The following SIPA1L3 variants were observed in gnomAD, a reference collection of about 807,000 sequenced individuals.
SIPA1L3 encodes the protein signal-induced proliferation-associated 1-like protein 3.
Under a neutral mutation model 150.1 loss-of-function variants are expected in SIPA1L3, and 59 were observed. The observed-to-expected ratio is 0.39, with a 90% confidence interval of 0.32 to 0.49. The LOEUF (loss-of-function observed/expected upper bound fraction) is 0.49. SIPA1L3 is among the 20% of genes least tolerant of loss of function. SIPA1L3 has a pLI of 0.86. For synonymous variants in SIPA1L3, 1,070 were observed against 1,077.6 expected (o/e 0.99, Z 0.14); for missense variants, 2,211 against 2,489.5 (o/e 0.89, Z 2.38).
chr19:37,987,521 GC>G (rs571825808), intron 1 of SIPA1L3, among the ~76,000 whole-genome samples: 32 of 152,288 alleles, frequency 2.1e-4, no homozygotes, highest in Non-Finnish European at 4.1e-4. Context: ...AGCATCCCTG[GC>G]CTCTACCCAC....
At chr19:37,913,843 C>A (rs902713084) in intron 1 of SIPA1L3, among the ~76,000 whole-genome samples, 1 of 151,204 alleles carries the variant, frequency 6.6e-6, no homozygotes, top group African/African-American at 2.4e-5. Context: ...GGTGAAACCC[C>A]GTCTCTACTA....
intron 7 of SIPA1L3, among the ~76,000 whole-genome samples, chr19:38,107,854 A>T (rs1293886041): frequency 6.6e-6 from 1 of 151,974 alleles, no homozygotes; most frequent in Non-Finnish European, 1.5e-5. Context: ...GCGTGTGCCT[A>T]TAGTCCCAGC....
At chr19:37,979,283 T>C (rs964603301) in intron 1 of SIPA1L3, among the ~76,000 whole-genome samples, 1 of 152,094 alleles carries the variant, frequency 6.6e-6, no homozygotes, top group Non-Finnish European at 1.5e-5. Context: ...GCACAGTGGC[T>C]CACGCCTGTA....
intron 1 of SIPA1L3, among the ~76,000 whole-genome samples, chr19:37,999,793 G>A (rs1234974642): frequency 6.6e-6 from 1 of 152,200 alleles, no homozygotes; most frequent in Admixed American, 6.5e-5. Flanking sequence ...CTGGAGAGGA[G>A]TATGAAAAAT....
intron 2 of SIPA1L3, among the ~76,000 whole-genome samples, chr19:38,063,268 C>A (rs529111444): frequency 4.2e-4 from 64 of 152,236 alleles, no homozygotes; most frequent in African/African-American, 1.4e-3. Flanking sequence ...GCACCGCCCC[C>A]GCCGGCCCCC....
intron 1 of SIPA1L3, among the ~76,000 whole-genome samples, chr19:37,918,496 G>C (rs2046431186): frequency 6.6e-6 from 1 of 151,964 alleles, no homozygotes; most frequent in Admixed American, 6.5e-5. Flanking sequence ...TTGACCTTGT[G>C]ATCCGCCTGC....
intron 1 of SIPA1L3, among the ~76,000 whole-genome samples, chr19:37,966,399 G>T (rs1393625340): frequency 2.6e-5 from 4 of 152,196 alleles, no homozygotes; most frequent in East Asian, 1.9e-4. Flanking sequence ...TTTCCTCCAT[G>T]TGTGGAGAGC....
intron 1 of SIPA1L3, among the ~76,000 whole-genome samples, chr19:37,927,561 T>C (rs1258000004): frequency 7.3e-6 from 1 of 137,330 alleles, no homozygotes; most frequent in Admixed American, 7.3e-5. Context: ...TGTGTGTGTG[T>C]ACGTACCCAA....
At chr19:38,124,291 G>A (rs1295986811) in intron 9 of SIPA1L3, among the ~76,000 whole-genome samples, 4 of 150,696 alleles carry the variant, frequency 2.7e-5, no homozygotes, top group African/African-American at 7.3e-5. Context: ...CAGACGGGGC[G>A]GCCGGGCAGA....
At chr19:38,006,009 G>C (rs989164631) in intron 1 of SIPA1L3, among the ~76,000 whole-genome samples, 16 of 152,240 alleles carry the variant, frequency 1.1e-4, no homozygotes, top group Admixed American at 1.0e-3. Flanking sequence ...TGCACTGCAA[G>C]CCTGGGCGAC....
chr19:38,008,952 G>A (rs1968032791), intron 1 of SIPA1L3, among the ~76,000 whole-genome samples: 1 of 152,118 alleles, frequency 6.6e-6, no homozygotes, highest in Non-Finnish European at 1.5e-5. Flanking sequence ...GAGCATGCCT[G>A]CACCACAAAA....
Position 38,164,409 on chromosome 19 carries a change from G to A in SIPA1L3, c.3781-70G>A. The A allele has an allele frequency of 6.9e-7, 1 of 1,451,664 alleles. No individual in the cohort carries two copies. The highest frequency in any genetic ancestry group is 9.4e-7 in the Non-Finnish European group (1 of 1,058,354). The allele number at this position is 1,451,664 out of a possible 1,614,324, so 89.9% of individuals were successfully genotyped here. ...CCCAGGGTTCAGGCCCAGGCAGAGG[G>A]AGGACCCGGCAAGGGAAGATGCGCC... On this transcript the variant is annotated intron_variant, in intron 14 of 21. Coordinates refer to ENST00000222345, the MANE Select transcript of SIPA1L3 (RefSeq NM_015073.3). The surrounding 1 kb of genome is among the most constrained non-coding windows in gnomAD (Gnocchi z 4.1).
chr19:37,985,158 G>A (rs570587402), intron 1 of SIPA1L3, among the ~76,000 whole-genome samples: 124 of 152,024 alleles, frequency 8.2e-4, no homozygotes, highest in Admixed American at 1.6e-3. Flanking sequence ...CAGCCTGGGC[G>A]ACAGAGCAAG....
intron 1 of SIPA1L3, among the ~76,000 whole-genome samples, chr19:37,987,439 C>T (rs573134133): frequency 3.3e-5 from 5 of 152,310 alleles, no homozygotes; most frequent in South Asian, 4.1e-4. Flanking sequence ...TGAACCCTGA[C>T]GCTGTTGACC....
At chr19:38,143,542 C>CTTTTTTTTT (rs10669806) in intron 12 of SIPA1L3, among the ~76,000 whole-genome samples, 1 of 79,978 alleles carries the variant, frequency 1.3e-5, no homozygotes, top group Non-Finnish European at 2.2e-5. Context: ...CTTTCTGTGT[C>CTTTTTTTTT]TTTTTTTTTT....
intron 1 of SIPA1L3, among the ~76,000 whole-genome samples, chr19:37,990,178 TC>T (rs1156456444): frequency 1.3e-5 from 2 of 152,042 alleles, no homozygotes; most frequent in African/African-American, 4.8e-5. Flanking sequence ...CTGGAAGAAT[TC>T]CCAGGTCATT....
At position 37,954,826 on chromosome 19, in the gene SIPA1L3, C is replaced by A. The variant is rs139356756; in HGVS notation, c.-379+47468C>A. On this transcript the variant is annotated intron_variant, in intron 1 of 21. Coordinates refer to ENST00000222345, the MANE Select transcript of SIPA1L3 (RefSeq NM_015073.3). ...TTCAGGCTGGGCGCAGTGGCTTATGCCTGTAATCCCAGTACTTTGGGAGGC... is the reference window on the plus strand; with the variant it reads ...TTCAGGCTGGGCGCAGTGGCTTATGACTGTAATCCCAGTACTTTGGGAGGC... Among the ~76,000 whole-genome samples, 84 of 152,240 alleles carry A rather than the reference C, an allele frequency of 5.5e-4. No individual in the cohort carries two copies. The East Asian group carries it at 0.013, about 23-fold the overall frequency.
At position 38,207,425 on chromosome 19, in the gene SIPA1L3, G is replaced by GATATATAT. The variant is rs34359575; in HGVS notation, c.*1202_*1209dup. On this transcript the variant is annotated 3_prime_UTR_variant, in exon 22 of 22. Coordinates refer to ENST00000222345, the MANE Select transcript of SIPA1L3 (RefSeq NM_015073.3). The stretch of plus-strand genomic sequence containing the variant: ...CCTTCTTTAAAAGCAAACAGAAAAA[G>GATATATAT]ATATATATATATATATATATATATT... 3.6e-5 allele frequency: 5 copies of GATATATAT among 139,164 alleles called. No homozygotes were observed. Among genetic ancestry groups the GATATATAT allele is most frequent in the Admixed American group, 2.2e-4 (3 of 13,792 alleles). 8.6% of individuals were successfully genotyped at this position (139,164 alleles called of 1,614,324 possible).
chr19:38,193,665 C>T lies in SIPA1L3; in HGVS notation c.4725C>T (p.Ser1575=), dbSNP rs374666172. The T allele has an allele frequency of 2.2e-4, 344 of 1,581,354 alleles. 2 individuals are homozygous for T. In the African/African-American group the frequency reaches 4.2e-3, roughly 19 times the overall value. ...TGCCCAGCGACGTGCTCTTCACCAG[C>T]ACCTGCGCCTTCCCGTCCAGCACGC... ...PGLPSDVLFT[S]TCAFPSSTLP... Residue 1575 remains serine, a synonymous_variant, in exon 18 of 22, where the codon AGC becomes AGT. Coordinates refer to ENST00000222345, the MANE Select transcript of SIPA1L3 (RefSeq NM_015073.3).
Sources: allele counts gnomAD v4.1 joint callset (sites outside exome capture counted in the v4.1 genomes callset), GRCh38; gene constraint gnomAD v4.1.1; non-coding constraint Gnocchi (gnomAD v3.1); transcripts MANE v1.5; gene names NCBI Gene and HGNC (gene_info 2026-07-23, HGNC 2026-07-21).